SGCD: variants seen among roughly 807,000 people sequenced by gnomAD.
The protein encoded by SGCD is delta-sarcoglycan.
In SGCD, 18 loss-of-function variants were observed where a neutral mutation model predicts 36.6. That is an observed-to-expected ratio of 0.49 (90% confidence interval 0.34 to 0.73). The LOEUF (loss-of-function observed/expected upper bound fraction) is 0.73. Ranked by LOEUF, SGCD falls within the 30% of genes least tolerant of loss-of-function variation. SGCD has a pLI of 0.01. For synonymous variants in SGCD, 133 were observed against 130.6 expected, an observed-to-expected ratio of 1.02 and a Z score of -0.12; for missense variants, 387 against 346.7, an observed-to-expected ratio of 1.12 and a Z score of -0.92.
At chr5:156,147,891 T>C (rs1404364003) in intron 3 of SGCD, among the ~76,000 whole-genome samples, 2 of 152,194 alleles carry the variant, frequency 1.3e-5, no homozygotes. Context: ...AGATCTTTGG[T>C]AAACTTTTCA....
chr5:156,409,499 G>A (rs1031818467), intron 3 of SGCD, among the ~76,000 whole-genome samples: 2 of 152,108 alleles, frequency 1.3e-5, no homozygotes, highest in Non-Finnish European at 2.9e-5. Context: ...ACCAATCCCC[G>A]GGCCCGGCTG....
At chr5:156,257,249 C>T (rs1024066497) in intron 3 of SGCD, among the ~76,000 whole-genome samples, 8 of 151,380 alleles carry the variant, frequency 5.3e-5, no homozygotes, top group African/African-American at 1.2e-4. Context: ...CCGAGGCGGG[C>T]GGATCACGAG....
At chr5:156,031,039 A>T (rs1411056278) in intron 1 of SGCD, among the ~76,000 whole-genome samples, 1 of 152,216 alleles carries the variant, frequency 6.6e-6, no homozygotes, top group East Asian at 1.9e-4. Flanking sequence ...TCTACTCAGT[A>T]GCCAGAGACA....
chr5:156,097,813 T>A (rs1286890863), intron 1 of SGCD, among the ~76,000 whole-genome samples: 3 of 152,222 alleles, frequency 2.0e-5, no homozygotes, highest in Admixed American at 2.0e-4. Context: ...ATCTGTTCTG[T>A]CAGGATACTC....
intron 1 of SGCD, among the ~76,000 whole-genome samples, chr5:155,983,909 C>T (rs1289261033): frequency 6.6e-6 from 1 of 152,140 alleles, no homozygotes; most frequent in Non-Finnish European, 1.5e-5. Flanking sequence ...TGACATCCCC[C>T]TAATCTTGTC....
intron 3 of SGCD, among the ~76,000 whole-genome samples, chr5:156,441,154 C>G (rs1365917845): frequency 6.6e-6 from 1 of 152,066 alleles, no homozygotes; most frequent in South Asian, 2.1e-4. Flanking sequence ...TTTGGAGCAG[C>G]ATCTTTCTAG....
In SGCD at chr5:156,639,977, T is replaced by C. The variant is rs191812029; in HGVS notation, c.503-7487T>C. ...TTGCTTGGATCATATCACCCTTCTC[T>C]TAGTGTCCACACTTATCTACCTGCC... On this transcript the variant is annotated intron_variant, in intron 6 of 8. Transcript: ENST00000337851. Among the ~76,000 whole-genome samples the C allele has an allele frequency of 7.9e-5, 12 of 152,238 alleles. No individual in the cohort carries two copies. In the East Asian group the frequency reaches 2.3e-3, roughly 29 times the overall value.
chr5:156,286,965 C>G (rs1766621239), intron 3 of SGCD, among the ~76,000 whole-genome samples: 1 of 152,094 alleles, frequency 6.6e-6, no homozygotes, highest in Admixed American at 6.6e-5. Context: ...TTATTGATCA[C>G]TCTGTGTTAA....
intron 3 of SGCD, among the ~76,000 whole-genome samples, chr5:156,358,596 C>T (rs555456558): frequency 2.0e-5 from 3 of 152,254 alleles, no homozygotes; most frequent in East Asian, 3.9e-4. Context: ...GAGCAAATGC[C>T]GTTCCTCCCT....
intron 1 of SGCD, among the ~76,000 whole-genome samples, chr5:155,877,988 G>A (rs971228532): frequency 6.6e-6 from 1 of 152,000 alleles, no homozygotes; most frequent in East Asian, 1.9e-4. Context: ...TAAAATTGCT[G>A]AAAGAACTGT....
At chr5:155,741,886 T>C in the SGCD span, among the ~76,000 whole-genome samples, 1 of 151,994 alleles carries the variant, frequency 6.6e-6, no homozygotes, top group African/African-American at 2.4e-5. Flanking sequence ...GGTTTTGCCA[T>C]GTTGCCCAGG....
chr5:156,386,124 T>C (rs576517709), intron 3 of SGCD, among the ~76,000 whole-genome samples: 1 of 152,354 alleles, frequency 6.6e-6, no homozygotes, highest in Admixed American at 6.5e-5. Context: ...TATTGAGCTT[T>C]CCTTAGTTTA....
chr5:156,463,572 G>A (rs1325547964), intron 3 of SGCD, among the ~76,000 whole-genome samples: 1 of 152,062 alleles, frequency 6.6e-6, no homozygotes, highest in Non-Finnish European at 1.5e-5. Context: ...GGTATGGATG[G>A]CTAAAAGGAA....
chr5:156,480,595 G>A (rs1296173424), intron 3 of SGCD, among the ~76,000 whole-genome samples: 1 of 152,146 alleles, frequency 6.6e-6, no homozygotes, highest in Admixed American at 6.5e-5. Context: ...ATACTGCATG[G>A]CTGCTACCCC....
chr5:155,868,352 CT>C (rs1208370733), upstream of SGCD, among the ~76,000 whole-genome samples: 3 of 136,976 alleles, frequency 2.2e-5, no homozygotes, highest in Non-Finnish European at 3.0e-5. Flanking sequence ...GTATCCAGCC[CT>C]TTTTTTCTTT....
At chr5:156,283,120 A>C (rs1258591154) in intron 3 of SGCD, among the ~76,000 whole-genome samples, 3 of 152,148 alleles carry the variant, frequency 2.0e-5, no homozygotes, top group Non-Finnish European at 2.9e-5. Context: ...TTCATATATA[A>C]TAGGGATGTT....
chr5:156,668,675 A>C (rs1272652482), intron 7 of SGCD, among the ~76,000 whole-genome samples: 1 of 152,222 alleles, frequency 6.6e-6, no homozygotes, highest in Non-Finnish European at 1.5e-5. Context: ...ATCAAAGGGG[A>C]AAATGAGGCA....
In SGCD at chr5:156,074,542, C is replaced by T. The variant is rs189039223; in HGVS notation, c.-281-43336C>T. On this transcript the variant is annotated intron_variant, in intron 1 of 9. Coordinates refer to the SGCD transcript ENST00000517913. Reference sequence around the variant, plus strand: ...ACTAAAAATATAAAAATTAGCCGGGCGTGGTGGCATGCCTGTAGTCCGAGC... The same window carrying T: ...ACTAAAAATATAAAAATTAGCCGGGTGTGGTGGCATGCCTGTAGTCCGAGC... 7.9e-5 allele frequency among the ~76,000 whole-genome samples: 12 copies of T among 152,040 alleles called. No individual in the cohort carries two copies. The East Asian group carries it at 2.3e-3, about 29-fold the overall frequency.
chr5:155,733,633 C>CTT, the SGCD span, among the ~76,000 whole-genome samples: 300 of 146,922 alleles, frequency 2.0e-3, no homozygotes, highest in Admixed American at 2.9e-3. Flanking sequence ...ATGCTGGACA[C>CTT]TTTTTTTTTT....
Sources: gnomAD v4.1 joint callset for allele counts (sites outside exome capture counted in the v4.1 genomes callset) on GRCh38, gnomAD v4.1.1 for gene constraint, MANE v1.5 for transcripts, NCBI Gene and HGNC (gene_info 2026-07-23, HGNC 2026-07-21) for gene names.